Variants in GLE1 observed in about 807,000 individuals in gnomAD.
GLE1 encodes mRNA export factor GLE1.
Under a neutral mutation model 97.3 loss-of-function variants are expected in GLE1, and 78 were observed. That is an observed-to-expected ratio of 0.80 (90% CI 0.67 to 0.97). The LOEUF (loss-of-function observed/expected upper bound fraction) is 0.97. GLE1 is among the 50% of genes least tolerant of loss of function. The pLI is 0.00. For synonymous variants in GLE1, 302 were observed against 313.4 expected (o/e 0.96, Z 0.39); for missense variants, 753 against 857.5 (o/e 0.88, Z 1.52).
In GLE1 at chr9:128,523,508, T is replaced by C. The variant is rs1289204426; in HGVS notation, c.643-84T>C. ...TGCTCTGAGCCCATCTGTGAAAATA[T>C]GTAGCCCACGTAGAATTTGAGGACT... On this transcript the variant is annotated intron_variant, in intron 5 of 15. Transcript: ENST00000309971. 38 of 1,551,382 alleles carry C rather than the reference T, an allele frequency of 2.4e-5. 1 individual carries two copies. In the South Asian group the frequency reaches 3.5e-4, roughly 14 times the overall value.
chr9:128,512,884 G>A (rs1846865968), intron 2 of GLE1, among the ~76,000 whole-genome samples: 2 of 152,064 alleles, frequency 1.3e-5, no homozygotes. Flanking sequence ...GGTGACCTCA[G>A]GTGATCCACC....
Position 128,538,101 on chromosome 9 carries a change from C to G in GLE1, c.1881+11C>G. On this transcript the variant is annotated intron_variant, in intron 13 of 15. Transcript: ENST00000309971. ...TTTGACTTCCTGGAGGTACGTAACT[C>G]AGTTATCACACAAGAGAAGGCCAGT... 7.0e-7 allele frequency: 1 copy of G among 1,419,048 alleles called. No individual in the cohort carries two copies. Among genetic ancestry groups the G allele is most frequent in the Non-Finnish European group, 1.0e-6 (1 of 1,002,766 alleles). 87.9% of individuals were successfully genotyped at this position (1,419,048 alleles called of 1,614,324 possible).
intron 1 of GLE1, among the ~76,000 whole-genome samples, chr9:128,508,501 G>T (rs146970828): frequency 1.1e-4 from 16 of 152,298 alleles, no homozygotes; most frequent in Non-Finnish European, 1.9e-4. Context: ...ACCTAACCCT[G>T]TGTTTCTCAG....
rs117540675 is a variant in GLE1 at position 128,505,991 on chromosome 9, A to G, written c.99+1087A>G. ...TTTATTCAGTGAGTTGTAATCCATT[A>G]CTTTTATTATTTATTTATTTTATTT... On this transcript the variant is annotated intron_variant, in intron 1 of 15. Coordinates refer to ENST00000309971, the MANE Select transcript of GLE1 (RefSeq NM_001003722.2). Among the ~76,000 whole-genome samples, 1,461 of 152,262 alleles carry G rather than the reference A, an allele frequency of 9.6e-3. 32 individuals carry two copies. Among genetic ancestry groups the G allele is most frequent in the East Asian group, 0.073 (381 of 5,184 alleles).
chr9:128,509,122 A>C (rs1252960490), intron 2 of GLE1, 25 bp downstream of exon 2: 4 of 1,355,054 alleles, frequency 3.0e-6, no homozygotes, highest in Non-Finnish European at 3.2e-6. Flanking sequence ...AGCTTAAGAC[A>C]AAAGACATGG....
intron 9 of GLE1, among the ~76,000 whole-genome samples, chr9:128,527,995 C>CTT (rs1165193901): frequency 1.6e-5 from 2 of 121,756 alleles, no homozygotes; most frequent in Non-Finnish European, 3.4e-5. Flanking sequence ...TTTTTTTTTT[C>CTT]TTTTTTTCTT....
chr9:128,524,760 C>T (rs771539199), intron 6 of GLE1, among the ~76,000 whole-genome samples: 13 of 151,732 alleles, frequency 8.6e-5, no homozygotes, highest in South Asian at 6.2e-4. Flanking sequence ...GGTGTGGTGA[C>T]GCACACCTGT....
chr9:128,523,303 A>G lies in GLE1; in HGVS notation c.605A>G (p.Gln202Arg), dbSNP rs1847206051. The G allele has an allele frequency of 6.2e-7, 1 of 1,613,096 alleles. No individual in the cohort carries two copies. Among genetic ancestry groups the G allele is most frequent in the Non-Finnish European group, 8.5e-7 (1 of 1,179,148 alleles). Residue 202 changes from glutamine to arginine, a missense_variant, in exon 5 of 16, where the codon CAA becomes CGA. By Grantham distance (43) the Gln-to-Arg change is conservative (BLOSUM62 1). Transcript: ENST00000309971. ...EKSSREALGH[Q>R]EKLKAEHRHR... is the part of the protein sequence containing the mutation. ...AGCTCCAGAGAAGCCTTGGGACACC[A>G]AGAGAAGCTAAAAGCTGAGCACCGT...
intron 3 of GLE1, among the ~76,000 whole-genome samples, chr9:128,517,092 C>T (rs1032110137): frequency 4.0e-5 from 6 of 151,860 alleles, no homozygotes; most frequent in Non-Finnish European, 7.4e-5. Flanking sequence ...GAGTTCCAGA[C>T]TGGCCTGGCC....
intron 2 of GLE1, among the ~76,000 whole-genome samples, chr9:128,513,418 T>C (rs928738435): frequency 6.6e-6 from 1 of 152,016 alleles, no homozygotes; most frequent in Non-Finnish European, 1.5e-5. Context: ...TTCAAAGATA[T>C]CCATGTCAGG....
At chr9:128,506,742 T>C (rs1211846879) in intron 1 of GLE1, among the ~76,000 whole-genome samples, 1 of 152,204 alleles carries the variant, frequency 6.6e-6, no homozygotes, top group African/African-American at 2.4e-5. Context: ...CACACATTTA[T>C]GTACTGTCTA....
At chr9:128,507,557 C>T (rs1439532477) in intron 1 of GLE1, among the ~76,000 whole-genome samples, 2 of 148,862 alleles carry the variant, frequency 1.3e-5, no homozygotes, top group African/African-American at 2.5e-5. Flanking sequence ...GCACTCCAGC[C>T]TGGGGAACAG....
Position 128,536,358 on chromosome 9 carries a change from G to A in GLE1, c.1650G>A (p.Met550Ile). 6.2e-7 allele frequency: 1 copy of A among 1,613,236 alleles called. No individual in the cohort carries two copies. Among genetic ancestry groups the A allele is most frequent in the South Asian group, 1.1e-5 (1 of 91,062 alleles). Residue 550 changes from methionine (M) to isoleucine (I), a missense_variant, in exon 12 of 16, where the codon ATG becomes ATA. Transcript: ENST00000309971. ...CAAATTTTTTCTTCCCGTATAGGATGCTTGGTTACCAAGTAAAGGATTCCA... is the reference window on the plus strand; with the variant it reads ...CAAATTTTTTCTTCCCGTATAGGATACTTGGTTACCAAGTAAAGGATTCCA... ...EGMALEDYQR[M>I]LGYQVKDSKV...
At chr9:128,511,566 C>T (rs111449997) in intron 2 of GLE1, among the ~76,000 whole-genome samples, 8 of 151,306 alleles carry the variant, frequency 5.3e-5, no homozygotes, top group African/African-American at 9.7e-5. Context: ...AAAAATTAGG[C>T]GAGTTGGCGG....
Position 128,510,182 on chromosome 9 carries a change from C to T in GLE1, c.321+1085C>T, listed in dbSNP as rs1278265996. ...AATCCACCCTCCTGTCTCAGCCTCC[C>T]GAATAGCTGGGACTGCGTGTGGACA... On this transcript the variant is annotated intron_variant, in intron 2 of 15. Transcript: ENST00000309971. Among the ~76,000 whole-genome samples the T allele has an allele frequency of 5.3e-5, 8 of 151,908 alleles. No individual in the cohort carries two copies. The South Asian group carries it at 6.2e-4, about 12-fold the overall frequency.
intron 9 of GLE1, among the ~76,000 whole-genome samples, chr9:128,530,235 C>T (rs10115092): frequency 6.6e-6 from 1 of 152,320 alleles, no homozygotes; most frequent in South Asian, 2.1e-4. Context: ...CTTCAGCTAC[C>T]TGAGGGACAT....
intron 9 of GLE1, among the ~76,000 whole-genome samples, chr9:128,529,156 TG>T (rs1847402514): frequency 6.6e-6 from 1 of 152,218 alleles, no homozygotes; most frequent in Non-Finnish European, 1.5e-5. Context: ...CTGTGTCCTT[TG>T]ATAGCAACAG....
At chr9:128,516,081 C>T (rs1436915712) in intron 3 of GLE1, among the ~76,000 whole-genome samples, 1 of 151,858 alleles carries the variant, frequency 6.6e-6, no homozygotes, top group Non-Finnish European at 1.5e-5. Flanking sequence ...CTCAGCCTCC[C>T]AAGTAACTAG....
intron 9 of GLE1, among the ~76,000 whole-genome samples, chr9:128,531,512 T>G: frequency 1.4e-5 from 2 of 142,246 alleles, no homozygotes; most frequent in Non-Finnish European, 1.5e-5. Flanking sequence ...GGTGACAGAG[T>G]GAGACTTCAT....
Sources: gnomAD v4.1 joint callset for allele counts (sites outside exome capture counted in the v4.1 genomes callset) on GRCh38, gnomAD v4.1.1 for gene constraint, MANE v1.5 for transcripts, NCBI Gene and HGNC (gene_info 2026-07-23, HGNC 2026-07-21) for gene names.